Variants in QTGAL observed in about 807,000 individuals in gnomAD.
QTGAL encodes the protein BGnT-like protein 1.
At chr17:82,980,590 G>A in the QTGAL span, among the ~76,000 whole-genome samples, 1 of 152,128 alleles carries the variant, frequency 6.6e-6, no homozygotes, top group African/African-American at 2.4e-5. Flanking sequence ...CAGAATTCAG[G>A]GAAACACTTA....
the QTGAL span, among the ~76,000 whole-genome samples, chr17:83,015,884 G>C: frequency 0.034 from 5,192 of 152,296 alleles, 296 homozygotes; most frequent in African/African-American, 0.12. The surrounding 1 kb of genome is among the most constrained non-coding windows in gnomAD (Gnocchi z 4.4). Context: ...ATCGGTCTGT[G>C]AAAACATTGT....
chr17:83,016,416 G>A, the QTGAL span, among the ~76,000 whole-genome samples: 20 of 151,932 alleles, frequency 1.3e-4, no homozygotes, highest in Admixed American at 1.2e-3. Flanking sequence ...GCTGAAGAGA[G>A]GAGGCTGGGG....
chr17:82,992,514 CA>C, the QTGAL span, among the ~76,000 whole-genome samples: 1 of 152,052 alleles, frequency 6.6e-6, no homozygotes, highest in African/African-American at 2.4e-5. Context: ...CCCAGACAAA[CA>C]AAAGCTGAGG....
chr17:83,051,611 C>A, the QTGAL span: 1 of 999,346 alleles, frequency 1.0e-6, no homozygotes. Context: ...GGGCGGAGAC[C>A]CCGTAGGTGA....
the QTGAL span, chr17:82,960,947 A>G: frequency 7.0e-7 from 1 of 1,431,386 alleles, no homozygotes; most frequent in Non-Finnish European, 9.3e-7. Flanking sequence ...CTCAAGGCAG[A>G]GCCTGACCAC....
chr17:82,962,038 C>T, the QTGAL span, among the ~76,000 whole-genome samples: 1 of 152,176 alleles, frequency 6.6e-6, no homozygotes, highest in Non-Finnish European at 1.5e-5. Context: ...GGCAGCTCAC[C>T]TGGGTCAGCC....
At chr17:83,020,878 A>C in the QTGAL span, among the ~76,000 whole-genome samples, 1 of 151,796 alleles carries the variant, frequency 6.6e-6, no homozygotes, top group Non-Finnish European at 1.5e-5. Context: ...TAATTTGGGG[A>C]AGACAGAGAG....
At chr17:82,988,426 C>A in the QTGAL span, among the ~76,000 whole-genome samples, 5 of 152,150 alleles carry the variant, frequency 3.3e-5, no homozygotes, top group African/African-American at 1.2e-4. Flanking sequence ...CTAGGCAATA[C>A]CATTCGGGAC....
At chr17:82,987,581 A>G in the QTGAL span, among the ~76,000 whole-genome samples, 2 of 152,204 alleles carry the variant, frequency 1.3e-5, no homozygotes, top group African/African-American at 2.4e-5. Flanking sequence ...TGATGGTTGT[A>G]TATGTGTGGT....
chr17:83,048,803 T>C, the QTGAL span: 6 of 1,596,898 alleles, frequency 3.8e-6, no homozygotes, highest in Non-Finnish European at 4.3e-6. Context: ...TCAAAAGAAA[T>C]GGATTAACAG....
At chr17:83,032,716 C>A in the QTGAL span, among the ~76,000 whole-genome samples, 1 of 152,194 alleles carries the variant, frequency 6.6e-6, no homozygotes, top group African/African-American at 2.4e-5. Context: ...GGAGAGAGGG[C>A]TGAAGGTTCT....
chr17:83,035,165 G>T, the QTGAL span: 1 of 1,349,240 alleles, frequency 7.4e-7, no homozygotes, highest in Non-Finnish European at 1.0e-6. Flanking sequence ...CTTTCATAGA[G>T]CTTAGTATAT....
the QTGAL span, among the ~76,000 whole-genome samples, chr17:82,998,635 A>G: frequency 6.6e-6 from 1 of 152,200 alleles, no homozygotes; most frequent in African/African-American, 2.4e-5. Flanking sequence ...GTGAGCCACC[A>G]TGCCTGGCCC....
chr17:83,005,119 G>A, the QTGAL span: 5 of 1,605,738 alleles, frequency 3.1e-6, no homozygotes. The surrounding 1 kb of genome is among the most constrained non-coding windows in gnomAD (Gnocchi z 5.6). Context: ...AGGTACCTGG[G>A]TTAGGAGCTG....
At chr17:82,968,982 A>G in the QTGAL span, among the ~76,000 whole-genome samples, 1 of 151,810 alleles carries the variant, frequency 6.6e-6, no homozygotes, top group Non-Finnish European at 1.5e-5. Context: ...GAAAATATAA[A>G]AATTAGCTGG....
At chr17:83,028,402 T>C in the QTGAL span, among the ~76,000 whole-genome samples, 75 of 150,052 alleles carry the variant, frequency 5.0e-4, no homozygotes, top group Admixed American at 4.8e-3. Context: ...CGGGCGCCTG[T>C]AGTCCCAGCT....
chr17:82,960,412 C>T, the QTGAL span: 2 of 152,302 alleles, frequency 1.3e-5, no homozygotes, highest in African/African-American at 4.8e-5. Context: ...CAACTTAACG[C>T]TGCGGCACGC....
At chr17:82,968,715 G>A in the QTGAL span, among the ~76,000 whole-genome samples, 2 of 152,234 alleles carry the variant, frequency 1.3e-5, no homozygotes, top group Non-Finnish European at 2.9e-5. Context: ...AATTTGTCTT[G>A]TTGGCCGGGC....
At chr17:82,973,046 C>T in the QTGAL span, among the ~76,000 whole-genome samples, 1,216 of 152,346 alleles carry the variant, frequency 8.0e-3, 14 homozygotes, top group African/African-American at 0.028. Context: ...CTGATGCCTT[C>T]GTGTGCTCCC....
Sources: gnomAD v4.1 joint callset for allele counts (sites outside exome capture counted in the v4.1 genomes callset) on GRCh38, gnomAD v4.1.1 for gene constraint, Gnocchi (gnomAD v3.1) non-coding constraint, MANE v1.5 for transcripts, NCBI Gene and HGNC (gene_info 2026-07-23, HGNC 2026-07-21) for gene names.